RSRC1: variants seen among roughly 807,000 people sequenced by gnomAD.
The protein encoded by RSRC1 is serine/Arginine-related protein 53.
A neutral mutation model predicts 49.1 loss-of-function variants in RSRC1; 39 were observed. The ratio of observed to expected loss-of-function variants is 0.79; its 90% CI spans 0.61 to 1.04. The LOEUF (loss-of-function observed/expected upper bound fraction) is 1.04, where lower values mean the gene tolerates loss of function less well. Among genes scored for constraint, RSRC1 ranks in the 50% least tolerant of loss-of-function variants. The pLI is 0.00. For missense variants in RSRC1, 388 were observed against 402.4 expected, an observed-to-expected ratio of 0.96 and a Z score of 0.31; for synonymous variants, 143 against 130.8, an observed-to-expected ratio of 1.09 and a Z score of -0.63.
At chr3:158,475,223 A>G (rs912270617) in intron 7 of RSRC1, among the ~76,000 whole-genome samples, 2 of 151,976 alleles carry the variant, frequency 1.3e-5, no homozygotes, top group Non-Finnish European at 2.9e-5. Flanking sequence ...CATGCCCAGT[A>G]CAATTGTTAA....
At chr3:158,494,510 T>C (rs568875528) in intron 7 of RSRC1, among the ~76,000 whole-genome samples, 1 of 152,360 alleles carries the variant, frequency 6.6e-6, no homozygotes, top group African/African-American at 2.4e-5. Context: ...AAAGCATTTT[T>C]TTCTTCAATA....
At chr3:158,184,916 G>A (rs1340322795) in intron 3 of RSRC1, among the ~76,000 whole-genome samples, 1 of 151,794 alleles carries the variant, frequency 6.6e-6, no homozygotes, top group Non-Finnish European at 1.5e-5. Context: ...TTATTTTGAG[G>A]GAGAGTGGTC....
chr3:158,375,302 G>T (rs918920094), intron 6 of RSRC1, among the ~76,000 whole-genome samples: 8 of 150,998 alleles, frequency 5.3e-5, no homozygotes, highest in Admixed American at 4.0e-4. Context: ...ACTCAGGTGA[G>T]CCTCCCACCT....
At chr3:158,384,110 C>T (rs1325309971) in intron 6 of RSRC1, among the ~76,000 whole-genome samples, 3 of 151,984 alleles carry the variant, frequency 2.0e-5, no homozygotes, top group East Asian at 1.9e-4. Context: ...AGATAGTTTT[C>T]GAAATATGTC....
At chr3:158,452,957 A>G (rs1203762832) in intron 6 of RSRC1, among the ~76,000 whole-genome samples, 1 of 152,176 alleles carries the variant, frequency 6.6e-6, no homozygotes, top group East Asian at 1.9e-4. Flanking sequence ...ATGCATTTAT[A>G]TACATACACT....
chr3:158,301,468 C>T (rs187048299), intron 5 of RSRC1, among the ~76,000 whole-genome samples: 25 of 152,008 alleles, frequency 1.6e-4, no homozygotes, highest in Non-Finnish European at 1.9e-4. Context: ...TAGTTACTTC[C>T]CTTATTTATT....
chr3:158,243,770 T>C (rs189701028), intron 4 of RSRC1, among the ~76,000 whole-genome samples: 100 of 152,270 alleles, frequency 6.6e-4, no homozygotes, highest in African/African-American at 2.2e-3. Context: ...CCTTGTTAGC[T>C]GTATTCCTAG....
At chr3:158,431,363 A>G (rs1257728732) in intron 6 of RSRC1, among the ~76,000 whole-genome samples, 2 of 151,940 alleles carry the variant, frequency 1.3e-5, no homozygotes, top group African/African-American at 4.8e-5. Context: ...GCACACTCAA[A>G]GAACAAAGCA....
intron 7 of RSRC1, among the ~76,000 whole-genome samples, chr3:158,510,795 T>C (rs982201944): frequency 2.6e-4 from 39 of 152,188 alleles, no homozygotes; most frequent in African/African-American, 8.9e-4. Context: ...TCATATCTAG[T>C]AAGACAAATC....
intron 4 of RSRC1, among the ~76,000 whole-genome samples, chr3:158,218,280 G>C (rs1722059799): frequency 6.6e-6 from 1 of 151,686 alleles, no homozygotes; most frequent in Admixed American, 6.6e-5. Context: ...GGATAAGTAA[G>C]AGTGGATGCG....
In RSRC1 at chr3:158,328,134, A is replaced by G. The variant is rs537550591; in HGVS notation, c.532-26723A>G. The stretch of plus-strand genomic sequence containing the variant: ...TTTGAGCCTATGTGTGTCTCTGCAC[A>G]TGAGATGGGTTTCCTGAATACAGCA... On this transcript the variant is annotated intron_variant, in intron 5 of 9. Coordinates refer to ENST00000611884, the MANE Select transcript of RSRC1 (RefSeq NM_001271838.2). Among the ~76,000 whole-genome samples the G allele has an allele frequency of 1.8e-4, 28 of 152,102 alleles. No individual in the cohort carries two copies. The South Asian group carries it at 5.2e-3, about 28-fold the overall frequency.
At chr3:158,463,445 G>A (rs187435478) in intron 7 of RSRC1, among the ~76,000 whole-genome samples, 136 of 152,124 alleles carry the variant, frequency 8.9e-4, no homozygotes, top group African/African-American at 3.0e-3. Flanking sequence ...TGTGTATATA[G>A]TTCTGTATCT....
intron 4 of RSRC1, among the ~76,000 whole-genome samples, chr3:158,252,132 G>A (rs2108014972): frequency 6.6e-6 from 1 of 151,698 alleles, no homozygotes; most frequent in African/African-American, 2.4e-5. Flanking sequence ...GCCTCTCTGG[G>A]ATAAATCTCA....
At chr3:158,423,675 C>A (rs1735221141) in intron 6 of RSRC1, among the ~76,000 whole-genome samples, 1 of 152,022 alleles carries the variant, frequency 6.6e-6, no homozygotes. Context: ...GGCAGTATGG[C>A]CATTTTCACG....
At chr3:158,246,555 A>AG (rs1425662433) in intron 4 of RSRC1, among the ~76,000 whole-genome samples, 1 of 152,030 alleles carries the variant, frequency 6.6e-6, no homozygotes, top group Non-Finnish European at 1.5e-5. Context: ...TTCCTTCAAG[A>AG]GCCCTTACAA....
intron 3 of RSRC1, among the ~76,000 whole-genome samples, chr3:158,136,318 T>C (rs1430913843): frequency 6.6e-6 from 1 of 152,240 alleles, no homozygotes; most frequent in Non-Finnish European, 1.5e-5. Flanking sequence ...TAATTAGATG[T>C]ACCTATTATT....
At chr3:158,325,453 C>G (rs1319575652) in intron 5 of RSRC1, among the ~76,000 whole-genome samples, 1 of 152,188 alleles carries the variant, frequency 6.6e-6, no homozygotes, top group Non-Finnish European at 1.5e-5. Context: ...ATATGGCTAG[C>G]CAGTTTTCCC....
In RSRC1 at chr3:158,131,438, A is replaced by G. The variant is rs200296056; in HGVS notation, c.320+7447A>G. On this transcript the variant is annotated intron_variant, in intron 3 of 9. Transcript: ENST00000611884. Reference sequence around the variant, plus strand: ...GTCATTTCTATGTACTGAAGACCCCATGGTCAGCGTGATTTTTGTTTTATT... The same window carrying G: ...GTCATTTCTATGTACTGAAGACCCCGTGGTCAGCGTGATTTTTGTTTTATT... Among the ~76,000 whole-genome samples, 5 of 152,102 alleles carry G rather than the reference A, an allele frequency of 3.3e-5. No homozygotes were observed. The East Asian group carries it at 9.6e-4, about 29-fold the overall frequency.
At chr3:158,311,195 T>C (rs532559306) in intron 5 of RSRC1, among the ~76,000 whole-genome samples, 2 of 152,026 alleles carry the variant, frequency 1.3e-5, no homozygotes, top group South Asian at 4.1e-4. Context: ...TACTTTATGC[T>C]CATTATTATA....
Sources: gnomAD v4.1 joint callset for allele counts (sites outside exome capture counted in the v4.1 genomes callset) on GRCh38, gnomAD v4.1.1 for gene constraint, MANE v1.5 for transcripts, NCBI Gene and HGNC (gene_info 2026-07-23, HGNC 2026-07-21) for gene names.